The following SLC41A2 variants were observed in gnomAD, a reference collection of about 807,000 sequenced individuals.
The protein encoded by SLC41A2 is SLC41A1-like 1.
In SLC41A2, 32 loss-of-function variants were observed where a neutral mutation model predicts 58.3. The observed-to-expected ratio is 0.55, with a 90% confidence interval of 0.41 to 0.74. The LOEUF (loss-of-function observed/expected upper bound fraction) is 0.74, where lower values mean the gene tolerates loss of function less well. SLC41A2 is among the 30% of genes least tolerant of loss of function. The pLI, the probability that SLC41A2 is intolerant of heterozygous loss-of-function variation, is 0.00. For synonymous variants in SLC41A2, 190 were observed against 235.0 expected, an observed-to-expected ratio of 0.81 and a Z score of 1.75; for missense variants, 514 against 680.6, an observed-to-expected ratio of 0.76 and a Z score of 2.72.
chr12:104,871,297 ATCT>A (rs1284961172), intron 6 of SLC41A2, among the ~76,000 whole-genome samples: 3 of 152,204 alleles, frequency 2.0e-5, no homozygotes, highest in African/African-American at 7.2e-5. Context: ...AATTTTTTAA[ATCT>A]TCTTGGAACT....
intron 10 of SLC41A2, among the ~76,000 whole-genome samples, chr12:104,832,577 G>A (rs1005771719): frequency 6.6e-6 from 1 of 152,028 alleles, no homozygotes; most frequent in African/African-American, 2.4e-5. Context: ...CAAGCCCTGG[G>A]GGAACAATTT....
At chr12:104,874,623 AT>A (rs2043959117) in intron 6 of SLC41A2, among the ~76,000 whole-genome samples, 1 of 152,048 alleles carries the variant, frequency 6.6e-6, no homozygotes, top group Non-Finnish European at 1.5e-5. Context: ...TTCTTTCCCA[AT>A]TGTGTCTTCT....
At chr12:104,868,150 T>C (rs1180860004) in intron 6 of SLC41A2, among the ~76,000 whole-genome samples, 2 of 152,162 alleles carry the variant, frequency 1.3e-5, no homozygotes, top group Non-Finnish European at 2.9e-5. Flanking sequence ...ACCTTTTATT[T>C]GTTGAATGGA....
At chr12:104,882,914 T>C (rs1278598201) in intron 6 of SLC41A2, among the ~76,000 whole-genome samples, 1 of 152,210 alleles carries the variant, frequency 6.6e-6, no homozygotes, top group Non-Finnish European at 1.5e-5. Flanking sequence ...TGAAGAGTGT[T>C]TTCCAACTTG....
At chr12:104,909,812 C>A in intron 2 of SLC41A2, 50 bp from the exon 3 acceptor site, 1 of 1,258,492 alleles carries the variant, frequency 7.9e-7, no homozygotes, top group Non-Finnish European at 1.1e-6. Context: ...TTAAAAAATA[C>A]TTTAGAACAA....
At chr12:104,840,766 A>G (rs2042383147) in intron 10 of SLC41A2, among the ~76,000 whole-genome samples, 1 of 152,224 alleles carries the variant, frequency 6.6e-6, no homozygotes, top group Non-Finnish European at 1.5e-5. Context: ...CCACCAAACA[A>G]TGTAATTTGT....
At chr12:104,948,309 G>A (rs577487009) in intron 1 of SLC41A2, among the ~76,000 whole-genome samples, 1 of 152,078 alleles carries the variant, frequency 6.6e-6, no homozygotes, top group Admixed American at 6.5e-5. Flanking sequence ...CCAGGAATAT[G>A]AATAGCTTAT....
At chr12:104,933,788 A>G (rs2047158851) in intron 1 of SLC41A2, among the ~76,000 whole-genome samples, 1 of 152,152 alleles carries the variant, frequency 6.6e-6, no homozygotes, top group African/African-American at 2.4e-5. Context: ...GGAGAGCTAG[A>G]GGCCATTATT....
At position 104,900,162 on chromosome 12, in the gene SLC41A2, C is replaced by A. The variant is rs141046816; in HGVS notation, c.664-4817G>T. On this transcript the variant is annotated intron_variant, in intron 3 of 10. Coordinates refer to ENST00000258538, the MANE Select transcript of SLC41A2 (RefSeq NM_001352171.3). ...TCAGGCGAAAACATCACAAACTTTG[C>A]AATTCTTACTCATTGTAGTATGGTC... is the stretch of plus-strand genomic sequence containing the variant. Among the ~76,000 whole-genome samples the A allele has an allele frequency of 3.9e-3, 601 of 152,266 alleles. 3 individuals are homozygous for A. Among genetic ancestry groups the A allele is most frequent in the Non-Finnish European group, 5.9e-3 (399 of 68,014 alleles).
chr12:104,886,270 T>C lies in SLC41A2; in HGVS notation c.1027+23A>G, dbSNP rs750443071. 18 of 1,608,368 alleles carry C rather than the reference T, an allele frequency of 1.1e-5. No homozygotes were observed. In the Middle Eastern group the frequency reaches 6.6e-4, roughly 59 times the overall value. ...TAAAGAGACTTGAGACAACACACAA[T>C]ATTTAGTTTTAAATCAACTTACCAA... On this transcript the variant is annotated intron_variant, in intron 6 of 10. Transcript: ENST00000258538.
At chr12:104,857,005 A>G (rs552753825) in intron 8 of SLC41A2, among the ~76,000 whole-genome samples, 17 of 152,356 alleles carry the variant, frequency 1.1e-4, no homozygotes, top group African/African-American at 4.1e-4. Context: ...TTTTAAAAAT[A>G]ACTGAAGCAA....
At chr12:104,954,411 T>C (rs769802837) in intron 1 of SLC41A2, among the ~76,000 whole-genome samples, 6 of 152,240 alleles carry the variant, frequency 3.9e-5, no homozygotes, top group Non-Finnish European at 8.8e-5. Context: ...ACAGGTCAGC[T>C]GTGACCATCA....
chr12:104,887,505 T>C (rs1031674860), intron 5 of SLC41A2, among the ~76,000 whole-genome samples: 1 of 151,840 alleles, frequency 6.6e-6, no homozygotes, highest in Non-Finnish European at 1.5e-5. Flanking sequence ...GGAGGCTTTT[T>C]AAATTACTAG....
At chr12:104,866,148 T>A (rs1034105929) in intron 7 of SLC41A2, among the ~76,000 whole-genome samples, 13 of 152,098 alleles carry the variant, frequency 8.5e-5, no homozygotes, top group Admixed American at 3.3e-4. Flanking sequence ...TAAATTTTAC[T>A]CAATCTGGTA....
chr12:104,909,536 G>A, intron 3 of SLC41A2, 119 bp downstream of exon 3: 1 of 688,374 alleles, frequency 1.5e-6, no homozygotes. Context: ...TAACTACTTA[G>A]CACAGCCCTG....
chr12:104,905,280 A>G (rs191732074), intron 3 of SLC41A2, among the ~76,000 whole-genome samples: 3 of 152,230 alleles, frequency 2.0e-5, no homozygotes, highest in African/African-American at 7.2e-5. Flanking sequence ...CTTGAGCTAG[A>G]CATAAAGGTT....
intron 2 of SLC41A2, among the ~76,000 whole-genome samples, chr12:104,918,288 G>A (rs2046423556): frequency 6.6e-6 from 1 of 151,914 alleles, no homozygotes; most frequent in South Asian, 2.1e-4. Flanking sequence ...CTACTTCTAG[G>A]AATCTGACCT....
intron 10 of SLC41A2, among the ~76,000 whole-genome samples, chr12:104,820,451 G>C (rs1016652151): frequency 4.6e-5 from 7 of 152,148 alleles, no homozygotes; most frequent in African/African-American, 1.4e-4. Context: ...GCAACACAGT[G>C]AGACCCATCT....
intron 7 of SLC41A2, among the ~76,000 whole-genome samples, chr12:104,865,198 C>A (rs1490248233): frequency 1.3e-5 from 2 of 152,180 alleles, no homozygotes; most frequent in Non-Finnish European, 2.9e-5. Context: ...AAGGCTGTCT[C>A]TCAGCATTAT....
Sources: allele counts gnomAD v4.1 joint callset (sites outside exome capture counted in the v4.1 genomes callset), GRCh38; gene constraint gnomAD v4.1.1; transcripts MANE v1.5; gene names NCBI Gene and HGNC (gene_info 2026-07-23, HGNC 2026-07-21).